FGD6: variants seen among roughly 807,000 people sequenced by gnomAD.
FGD6 encodes FYVE, RhoGEF and PH domain-containing protein 6.
A neutral mutation model predicts 149.4 loss-of-function variants in FGD6; 90 were observed. The ratio of observed to expected loss-of-function variants is 0.60; its 90% CI spans 0.51 to 0.72. The LOEUF is 0.72. Among genes scored for constraint, FGD6 ranks in the 30% least tolerant of loss-of-function variants. FGD6 has a pLI of 0.00. For synonymous variants in FGD6, 527 were observed against 584.0 expected, an observed-to-expected ratio of 0.90 and a Z score of 1.41; for missense variants, 1,437 against 1,684.8, an observed-to-expected ratio of 0.85 and a Z score of 2.57.
chr12:95,188,382 C>CGT (rs71078619), intron 2 of FGD6, among the ~76,000 whole-genome samples: 35,939 of 150,832 alleles, frequency 0.24, 4,673 homozygotes, highest in African/African-American at 0.35. Context: ...AAGCACCATC[C>CGT]GTGTGTGTGT....
intron 3 of FGD6, among the ~76,000 whole-genome samples, chr12:95,167,386 T>C (rs994133438): frequency 1.2e-4 from 18 of 152,194 alleles, no homozygotes; most frequent in African/African-American, 4.3e-4. Context: ...GACTAGCAGT[T>C]GTTACTGTAC....
intron 8 of FGD6, among the ~76,000 whole-genome samples, chr12:95,127,436 C>T (rs139348286): frequency 0.038 from 5,842 of 152,170 alleles, 131 homozygotes; most frequent in Middle Eastern, 0.068. Context: ...CCCAGCTACT[C>T]GGGCGGTTGA....
chr12:95,213,239 T>C (rs1233329599), intron 1 of FGD6, among the ~76,000 whole-genome samples: 1 of 152,160 alleles, frequency 6.6e-6, no homozygotes, highest in East Asian at 1.9e-4. Flanking sequence ...CTGTAACCAT[T>C]ATCAAAACAT....
chr12:95,213,660 G>A lies in FGD6; in HGVS notation c.17-2393C>T, dbSNP rs531981173. Among the ~76,000 whole-genome samples, 5 of 152,178 alleles carry A rather than the reference G, an allele frequency of 3.3e-5. No individual in the cohort carries two copies. In the East Asian group the frequency reaches 9.6e-4, roughly 29 times the overall value. On this transcript the variant is annotated intron_variant, in intron 1 of 20. Transcript: ENST00000343958. ...TAAATATCATTTTTAAAAAATCCCT[G>A]GTACCAATTTTACTCTTTTTAAAAA...
intron 9 of FGD6, among the ~76,000 whole-genome samples, chr12:95,110,167 G>A (rs1215411656): frequency 3.3e-5 from 5 of 151,798 alleles, no homozygotes; most frequent in South Asian, 2.1e-4. Context: ...TAGTAGAGAC[G>A]GGGTTTCACC....
intron 3 of FGD6, among the ~76,000 whole-genome samples, chr12:95,161,164 A>G (rs1447453737): frequency 4.6e-5 from 7 of 152,122 alleles, no homozygotes; most frequent in Admixed American, 4.6e-4. Flanking sequence ...TGGATGACAC[A>G]TTGAAACTTC....
chr12:95,192,311 T>C (rs1302603084), intron 2 of FGD6, among the ~76,000 whole-genome samples: 1 of 152,150 alleles, frequency 6.6e-6, no homozygotes, highest in African/African-American at 2.4e-5. Context: ...GATAGAATGA[T>C]GAGTTGGTGC....
chr12:95,180,273 G>T (rs1369910799), intron 2 of FGD6, among the ~76,000 whole-genome samples: 1 of 151,872 alleles, frequency 6.6e-6, no homozygotes, highest in African/African-American at 2.4e-5. Flanking sequence ...CAAACATGCT[G>T]ACATATACCA....
In FGD6 at chr12:95,089,714, T is replaced by A. The variant is rs1000835428; in HGVS notation, c.3851-18A>T. On this transcript the variant is annotated intron_variant, in intron 17 of 20. Transcript: ENST00000343958. ...CTGGTGATCTAGAACAAATCAGGCA[T>A]GCTTATGTAGGCAATGCTCAGCATT... 6.2e-7 allele frequency: 1 copy of A among 1,611,874 alleles called. No homozygotes were observed. The highest frequency in any genetic ancestry group is 8.5e-7 in the Non-Finnish European group (1 of 1,178,990).
At chr12:95,173,173 A>G (rs1194020984) in intron 2 of FGD6, among the ~76,000 whole-genome samples, 1 of 152,216 alleles carries the variant, frequency 6.6e-6, no homozygotes, top group Non-Finnish European at 1.5e-5. Context: ...TAACAAATCT[A>G]TGAGGACTCG....
intron 9 of FGD6, among the ~76,000 whole-genome samples, chr12:95,109,568 T>TA (rs11439615): frequency 0.63 from 95,328 of 151,506 alleles, 30,265 homozygotes; most frequent in East Asian, 0.68. Context: ...AAAGGACTAT[T>TA]AAAAAAAAGA....
In FGD6 at chr12:95,167,422, T is replaced by TG. The variant is rs1776185595; in HGVS notation, c.2586+5177dup. On this transcript the variant is annotated intron_variant, in intron 3 of 20. Transcript: ENST00000343958. ...ATCTTCTTGATTATGGCTACCCTAG[T>TG]GGGTGTGCAGTGGTACCTCACTGAA... Among the ~76,000 whole-genome samples the TG allele has an allele frequency of 2.6e-5, 4 of 152,248 alleles. No homozygotes were observed. In the South Asian group the frequency reaches 8.3e-4, roughly 32 times the overall value.
chr12:95,158,229 G>A (rs569158885), intron 3 of FGD6, among the ~76,000 whole-genome samples: 2 of 142,446 alleles, frequency 1.4e-5, no homozygotes, highest in South Asian at 4.5e-4. Flanking sequence ...GTGCAGTGGC[G>A]TGATCTTGGC....
At chr12:95,155,753 C>T (rs78827885) in intron 3 of FGD6, among the ~76,000 whole-genome samples, 1 of 152,140 alleles carries the variant, frequency 6.6e-6, no homozygotes, top group Non-Finnish European at 1.5e-5. Flanking sequence ...AGAACACCCA[C>T]TTAAAATAGG....
chr12:95,149,296 T>TTAC (rs1202775188), intron 5 of FGD6, among the ~76,000 whole-genome samples: 1 of 87,396 alleles, frequency 1.1e-5, no homozygotes, highest in Non-Finnish European at 2.1e-5. Flanking sequence ...TAATATTATA[T>TTAC]ATAATATATT....
intron 14 of FGD6, chr12:95,101,112 G>A (rs562050858): frequency 1.4e-4 from 24 of 172,640 alleles, no homozygotes; most frequent in Middle Eastern, 2.7e-3. Flanking sequence ...AAGGTGAGTG[G>A]ATCACTTGAG....
chr12:95,199,824 C>T (rs1251526698), intron 2 of FGD6, among the ~76,000 whole-genome samples: 1 of 151,998 alleles, frequency 6.6e-6, no homozygotes, highest in East Asian at 1.9e-4. Flanking sequence ...AGGCTAGTCT[C>T]GAACTCCTGA....
In FGD6 at chr12:95,152,883, A is replaced by G. The variant is rs544452587; in HGVS notation, c.2655-42T>C. The G allele has an allele frequency of 2.6e-5, 42 of 1,613,710 alleles. 1 individual carries two copies. The South Asian group carries it at 4.4e-4, about 17-fold the overall frequency. ...TGAAAAAAATGTTTTAAATGTGCCA[A>G]TGGGGGGAAAACAGTCTTCTGAATT... On this transcript the variant is annotated intron_variant, in intron 4 of 20. Transcript: ENST00000343958.
At chr12:95,208,008 T>C (rs1421981380) in intron 2 of FGD6, among the ~76,000 whole-genome samples, 4 of 152,058 alleles carry the variant, frequency 2.6e-5, no homozygotes, top group Non-Finnish European at 5.9e-5. Context: ...CCCAACCCTT[T>C]GGGAGGCAAA....
Sources: gnomAD v4.1 joint callset for allele counts (sites outside exome capture counted in the v4.1 genomes callset) on GRCh38, gnomAD v4.1.1 for gene constraint, MANE v1.5 for transcripts, NCBI Gene and HGNC (gene_info 2026-07-23, HGNC 2026-07-21) for gene names.